The following DNM3 variants were observed in gnomAD, a reference collection of about 807,000 sequenced individuals.
DNM3 encodes the protein dynamin-3.
Under a neutral mutation model 101.6 loss-of-function variants are expected in DNM3, and 47 were observed. The observed-to-expected ratio is 0.46, with a 90% confidence interval of 0.37 to 0.59. The LOEUF (loss-of-function observed/expected upper bound fraction) is 0.59, where lower values mean the gene tolerates loss of function less well. Ranked by LOEUF, DNM3 falls within the 20% of genes least tolerant of loss-of-function variation. The pLI is 0.00. For synonymous variants in DNM3, 385 were observed against 387.9 expected (o/e 0.99, Z 0.09); for missense variants, 849 against 1,085.7 (o/e 0.78, Z 3.06).
Position 172,002,139 on chromosome 1 carries a change from T to C in DNM3, c.589+12991T>C, listed in dbSNP as rs549531640. On this transcript the variant is annotated intron_variant, in intron 4 of 20. Transcript: ENST00000627582. ...AGATTTCCATTTTACCTTAAAATTC[T>C]TTGCTTATTTGACCAATTTAACAAA... 2.0e-5 allele frequency among the ~76,000 whole-genome samples: 3 copies of C among 152,220 alleles called. No homozygotes were observed. In the East Asian group the frequency reaches 5.8e-4, roughly 29 times the overall value.
intron 2 of DNM3, among the ~76,000 whole-genome samples, chr1:171,979,938 T>G (rs1042001748): frequency 3.9e-5 from 6 of 152,176 alleles, no homozygotes; most frequent in African/African-American, 1.4e-4. Context: ...AATTTCCTAC[T>G]TTGCCTTGAG....
intron 16 of DNM3, among the ~76,000 whole-genome samples, chr1:172,320,965 G>A (rs1485511542): frequency 6.6e-6 from 1 of 152,158 alleles, no homozygotes; most frequent in Admixed American, 6.5e-5. Flanking sequence ...TATATAAGTG[G>A]TCTTCCCCTA....
At chr1:171,969,172 A>G (rs2043809209) in intron 2 of DNM3, among the ~76,000 whole-genome samples, 1 of 151,944 alleles carries the variant, frequency 6.6e-6, no homozygotes, top group Admixed American at 6.6e-5. Context: ...TGACACTCCT[A>G]TAAAAAAATG....
intron 1 of DNM3, among the ~76,000 whole-genome samples, chr1:171,907,187 C>T (rs999451555): frequency 6.6e-6 from 1 of 152,162 alleles, no homozygotes; most frequent in Admixed American, 6.5e-5. Context: ...ATGGCTAATG[C>T]AATCCTTTAA....
exon 21 of DNM3, chr1:172,418,381 C>A (rs2071504944): frequency 8.0e-7 from 1 of 1,249,156 alleles, no homozygotes; most frequent in African/African-American, 1.6e-5. Context: ...AAAAGCTTTT[C>A]ATTTGCACTA....
intron 14 of DNM3, among the ~76,000 whole-genome samples, chr1:172,225,395 A>G (rs1190711369): frequency 6.6e-6 from 1 of 151,806 alleles, no homozygotes; most frequent in Non-Finnish European, 1.5e-5. Flanking sequence ...TCGGCCTCCC[A>G]AAGTGCTGGG....
chr1:172,058,854 A>C (rs940717860), intron 10 of DNM3, among the ~76,000 whole-genome samples: 1 of 146,392 alleles, frequency 6.8e-6, no homozygotes, highest in African/African-American at 2.6e-5. Flanking sequence ...TCATAGCAGA[A>C]CTGAAGGAAA....
intron 2 of DNM3, among the ~76,000 whole-genome samples, chr1:171,963,954 G>A (rs2043394653): frequency 6.6e-6 from 1 of 151,988 alleles, no homozygotes; most frequent in African/African-American, 2.4e-5. Flanking sequence ...GTGGTCAGAG[G>A]TGTCTCATTA....
chr1:172,327,026 G>A (rs1453778352), intron 17 of DNM3, among the ~76,000 whole-genome samples: 1 of 152,078 alleles, frequency 6.6e-6, no homozygotes, highest in African/African-American at 2.4e-5. Flanking sequence ...TTTTAAAGGA[G>A]AAATAGAACA....
At chr1:172,007,790 A>G (rs2046796313) in intron 4 of DNM3, among the ~76,000 whole-genome samples, 1 of 152,064 alleles carries the variant, frequency 6.6e-6, no homozygotes. Context: ...TATTTGAGAC[A>G]GGGTATTGCT....
chr1:171,973,456 T>C (rs1558353262), intron 2 of DNM3, among the ~76,000 whole-genome samples: 1 of 152,182 alleles, frequency 6.6e-6, no homozygotes, highest in Non-Finnish European at 1.5e-5. Context: ...TCATATATTC[T>C]TTGATACAGT....
At chr1:172,402,352 A>G (rs145264899) in intron 20 of DNM3, among the ~76,000 whole-genome samples, 1 of 152,122 alleles carries the variant, frequency 6.6e-6, no homozygotes, top group Admixed American at 6.6e-5. Flanking sequence ...GAAACCTGGG[A>G]TGTATAACTC....
At chr1:172,305,618 G>A (rs566234033) in intron 15 of DNM3, among the ~76,000 whole-genome samples, 2 of 152,200 alleles carry the variant, frequency 1.3e-5, no homozygotes, top group Non-Finnish European at 2.9e-5. Flanking sequence ...GATGAACATC[G>A]ATGCAAAAAT....
intron 16 of DNM3, among the ~76,000 whole-genome samples, chr1:172,321,436 A>G (rs1034813029): frequency 6.6e-6 from 1 of 152,214 alleles, no homozygotes. Context: ...AAGTGCTTTC[A>G]GGGATCTAAA....
intron 17 of DNM3, among the ~76,000 whole-genome samples, chr1:172,369,976 G>A (rs1325234542): frequency 1.3e-5 from 2 of 151,748 alleles, no homozygotes; most frequent in Non-Finnish European, 2.9e-5. Context: ...CTTGTTATAA[G>A]AACATCAGTT....
intron 14 of DNM3, among the ~76,000 whole-genome samples, chr1:172,249,508 A>G (rs1383305836): frequency 6.6e-6 from 1 of 152,130 alleles, no homozygotes; most frequent in Non-Finnish European, 1.5e-5. Context: ...GAACAAAAAT[A>G]TCTCTATCAT....
intron 14 of DNM3, among the ~76,000 whole-genome samples, chr1:172,206,636 T>C (rs1270409329): frequency 6.6e-6 from 1 of 152,098 alleles, no homozygotes; most frequent in African/African-American, 2.4e-5. Context: ...ACCCACCTTT[T>C]CTTCTGCACC....
chr1:172,194,696 T>G (rs2148457354), intron 14 of DNM3, among the ~76,000 whole-genome samples: 1 of 152,256 alleles, frequency 6.6e-6, no homozygotes, highest in East Asian at 1.9e-4. Context: ...TACTTTTTTT[T>G]TATTTTCCAT....
intron 2 of DNM3, chr1:171,987,260 C>A: frequency 1.0e-6 from 1 of 981,264 alleles, no homozygotes; most frequent in Non-Finnish European, 1.2e-6. Context: ...GGCATTCCAT[C>A]CTGATGAAAT....
Sources: gnomAD v4.1 joint callset for allele counts (sites outside exome capture counted in the v4.1 genomes callset) on GRCh38, gnomAD v4.1.1 for gene constraint, MANE v1.5 for transcripts, NCBI Gene and HGNC (gene_info 2026-07-23, HGNC 2026-07-21) for gene names.